Variants in PRRC2C observed in about 807,000 individuals in gnomAD.
The protein encoded by PRRC2C is proline rich coiled-coil 2C, also known as protein PRRC2C.
In PRRC2C, 72 loss-of-function variants were observed where a neutral mutation model predicts 317.2. The ratio of observed to expected loss-of-function variants is 0.23; its 90% CI spans 0.19 to 0.28. The LOEUF (loss-of-function observed/expected upper bound fraction) is 0.28, where lower values mean the gene tolerates loss of function less well. PRRC2C is among the 10% of genes least tolerant of loss of function. The pLI, the probability that PRRC2C is intolerant of heterozygous loss-of-function variation, is 1.00. For synonymous variants in PRRC2C, 1,296 were observed against 1,205.9 expected, an observed-to-expected ratio of 1.07 and a Z score of -1.55; for missense variants, 3,074 against 3,459.7, an observed-to-expected ratio of 0.89 and a Z score of 2.80.
In PRRC2C at chr1:171,592,568, GC is replaced by G. The variant is rs1651642713; in HGVS notation, c.*722del. 6.6e-6 allele frequency: 1 copy of G among 152,242 alleles called. No individual in the cohort carries two copies. Among genetic ancestry groups the G allele is most frequent in the African/African-American group, 2.4e-5 (1 of 41,452 alleles). The allele number at this position is 152,242 out of a possible 1,614,324, so 9.4% of individuals were successfully genotyped here. A position where few individuals can be genotyped will look rare whatever the true frequency, so the allele number is the denominator to read the frequency against. The stretch of plus-strand genomic sequence containing the variant: ...TTTGGTTGTGGTCTGAAGCTTTGAA[GC>G]GCTACTTAGCATCTCCTTTCTTCCA... On this transcript the variant is annotated 3_prime_UTR_variant, in exon 35 of 35. Coordinates refer to ENST00000647382, the MANE Select transcript of PRRC2C (RefSeq NM_001387844.1).
intron 7 of PRRC2C, 116 bp from the exon 8 acceptor site, chr1:171,523,105 G>A: frequency 1.1e-6 from 1 of 895,902 alleles, no homozygotes. Context: ...GAACATATTA[G>A]GTATCTTGGT....
Position 171,577,609 on chromosome 1 carries a change from G to T in PRRC2C, c.7131G>T (p.Pro2377=), listed in dbSNP as rs776623881. The change falls in exon 26 of 35, where the codon CCG becomes CCT. Residue 2377 remains proline (P), a synonymous_variant. Transcript: ENST00000647382. ...TTATTGCCCAGCAGCAACAGAATCC[G>T]CAAGTTTATGTGTCTCAGTCTGCAG... ...PSLIAQQQQN[P]QVYVSQSAAA... is the part of the protein sequence containing the mutation. 3.1e-6 allele frequency: 5 copies of T among 1,613,486 alleles called. No individual in the cohort carries two copies. Among genetic ancestry groups the T allele is most frequent in the Admixed American group, 1.7e-5 (1 of 59,996 alleles).
intron 26 of PRRC2C, 123 bp from the exon 27 acceptor site, chr1:171,579,231 G>T: frequency 7.5e-7 from 1 of 1,330,276 alleles, no homozygotes; most frequent in Non-Finnish European, 9.9e-7. Context: ...GTTTTTCCAT[G>T]GCTGTATTTT....
In PRRC2C at chr1:171,587,167, C is replaced by T; in HGVS notation, c.7914C>T (p.Phe2638=). The T allele has an allele frequency of 1.2e-6, 2 of 1,610,306 alleles. No homozygotes were observed. The highest frequency in any genetic ancestry group is 4.5e-5 in the East Asian group (2 of 44,764). Residue 2638 remains phenylalanine, a synonymous_variant, in exon 31 of 35, where the codon TTC becomes TTT. Coordinates refer to ENST00000647382, the MANE Select transcript of PRRC2C (RefSeq NM_001387844.1). ...LSRPAQVSQP[F]RGLIPAGTQH... ...GTCCTGCACAAGTAAGCCAGCCTTT[C>T]AGAGGATTAATTCCTGCTGGAACAC...
intron 19 of PRRC2C, among the ~76,000 whole-genome samples, chr1:171,559,526 T>G (rs1395865857): frequency 1.4e-5 from 2 of 139,950 alleles, no homozygotes; most frequent in African/African-American, 2.7e-5. Context: ...TTTTTTTTTT[T>G]TTTTTTTTTT....
At chr1:171,576,640 G>T (rs1327258881) in intron 25 of PRRC2C, among the ~76,000 whole-genome samples, 4 of 151,922 alleles carry the variant, frequency 2.6e-5, no homozygotes, top group African/African-American at 9.7e-5. Context: ...TATACCAGGT[G>T]GTTTTGTTTT....
chr1:171,560,124 A>G (rs980868754), intron 19 of PRRC2C, among the ~76,000 whole-genome samples: 6 of 152,236 alleles, frequency 3.9e-5, no homozygotes, highest in Non-Finnish European at 8.8e-5. Context: ...TTTGAAAACC[A>G]TGTGGAAAGG....
intron 33 of PRRC2C, among the ~76,000 whole-genome samples, chr1:171,589,028 G>C (rs1290144520): frequency 6.6e-6 from 1 of 152,204 alleles, no homozygotes; most frequent in East Asian, 1.9e-4. Flanking sequence ...TTTATCTTCA[G>C]ATTACATTTG....
chr1:171,559,860 C>T (rs1457546017), intron 19 of PRRC2C, among the ~76,000 whole-genome samples: 2 of 152,058 alleles, frequency 1.3e-5, no homozygotes, highest in African/African-American at 4.8e-5. Context: ...AGACCTACTG[C>T]TCAGGGGGAA....
chr1:171,589,368 G>A lies in PRRC2C; in HGVS notation c.8200-1G>A, dbSNP rs12036348. ...TTGTATGTTTTGTTTTTTTCACTCA[G>A]ATTCTCTCCCAGCCTAACCTGGTCC... On this transcript the variant is annotated splice_acceptor_variant, in intron 33 of 34. Transcript: ENST00000647382. LOFTEE classifies it high-confidence loss of function. 1 of 1,216,054 alleles carries A rather than the reference G, an allele frequency of 8.2e-7. No homozygotes were observed. Among genetic ancestry groups the A allele is most frequent in the South Asian group, 1.3e-5 (1 of 79,038 alleles). 75.3% of individuals were successfully genotyped at this position (1,216,054 alleles called of 1,614,324 possible). A position where few individuals can be genotyped will look rare whatever the true frequency, so the allele number is the denominator to read the frequency against.
At chr1:171,587,822 T>G (rs1650398107) in intron 32 of PRRC2C, 71 bp downstream of exon 32, 1 of 959,794 alleles carries the variant, frequency 1.0e-6, no homozygotes, top group South Asian at 1.5e-5. Flanking sequence ...TTATCAGTCC[T>G]GTGTGACATA....
At chr1:171,508,496 T>C (rs1433065068) in intron 1 of PRRC2C, among the ~76,000 whole-genome samples, 1 of 152,196 alleles carries the variant, frequency 6.6e-6, no homozygotes, top group Non-Finnish European at 1.5e-5. Flanking sequence ...TCAAACTTGG[T>C]TTAATGTGTT....
At chr1:171,578,157 G>C (rs1304931802) in intron 26 of PRRC2C, among the ~76,000 whole-genome samples, 1 of 151,952 alleles carries the variant, frequency 6.6e-6, no homozygotes, top group Non-Finnish European at 1.5e-5. Context: ...ACTTACTGTA[G>C]TAACAGTTTC....
chr1:171,517,498 A>G (rs908157297), intron 5 of PRRC2C, 93 bp from the exon 6 acceptor site: 32 of 1,147,606 alleles, frequency 2.8e-5, no homozygotes, highest in Admixed American at 9.0e-5. Flanking sequence ...CACTCTGCTT[A>G]CTTGCTTTCA....
intron 1 of PRRC2C, among the ~76,000 whole-genome samples, chr1:171,491,045 C>A (rs1291573767): frequency 6.6e-6 from 1 of 152,054 alleles, no homozygotes; most frequent in Non-Finnish European, 1.5e-5. Context: ...ATTTAATATT[C>A]TTTGATATTA....
intron 1 of PRRC2C, among the ~76,000 whole-genome samples, chr1:171,492,912 T>C (rs541311678): frequency 8.6e-5 from 13 of 152,014 alleles, no homozygotes; most frequent in Non-Finnish European, 1.8e-4. Flanking sequence ...CCAGCACACC[T>C]GGCTAATCTT....
rs1676136878 is a variant in PRRC2C at position 171,532,951 on chromosome 1, C to T, written c.1863C>T (p.Ser621=). Residue 621 remains serine, a synonymous_variant, in exon 12 of 35, where the codon AGC becomes AGT. Coordinates refer to ENST00000647382, the MANE Select transcript of PRRC2C (RefSeq NM_001387844.1). ...TAGAAAAACAAGAAAGTGAAAACAG[C>T]TGTAATAAAGGTTTGATAGTATTCT... ...PMVEKQESEN[S]CNKEEEPVFT... is the part of the protein sequence containing the mutation. The T allele has an allele frequency of 6.4e-7, 1 of 1,551,722 alleles. No homozygotes were observed. The highest frequency in any genetic ancestry group is 8.6e-7 in the Non-Finnish European group (1 of 1,160,594).
In PRRC2C at chr1:171,519,745, G is replaced by T. The variant is rs1167913642; in HGVS notation, c.750+1931G>T. Reference sequence around the variant, plus strand: ...CTAGGTCATATTTATTTAGTTTGTTGTTTAACTCCTAATATTTGAATCCTA... The same window carrying T: ...CTAGGTCATATTTATTTAGTTTGTTTTTTAACTCCTAATATTTGAATCCTA... On this transcript the variant is annotated intron_variant, in intron 6 of 34. Coordinates refer to ENST00000647382, the MANE Select transcript of PRRC2C (RefSeq NM_001387844.1). Among the ~76,000 whole-genome samples, 3 of 152,028 alleles carry T rather than the reference G, an allele frequency of 2.0e-5. No homozygotes were observed. In the South Asian group the frequency reaches 6.2e-4, roughly 31 times the overall value.
chr1:171,535,622 G>C, intron 13 of PRRC2C, 25 bp downstream of exon 13: 1 of 1,607,364 alleles, frequency 6.2e-7, no homozygotes, highest in Non-Finnish European at 8.5e-7. Context: ...ATTTTATCAT[G>C]TATGTGTGAT....
Sources: gnomAD v4.1 joint callset for allele counts (sites outside exome capture counted in the v4.1 genomes callset) on GRCh38, gnomAD v4.1.1 for gene constraint, MANE v1.5 for transcripts, NCBI Gene and HGNC (gene_info 2026-07-23, HGNC 2026-07-21) for gene names.